Variants in DAG1 observed in about 807,000 individuals in gnomAD.
DAG1 encodes the protein dystroglycan 1, also known as dystroglycan 1 (dystrophin-associated glycoprotein 1).
DAG1 carries 8 observed loss-of-function variants against 46.1 expected under a neutral mutation model. The ratio of observed to expected loss-of-function variants is 0.17; its 90% CI spans 0.10 to 0.31. DAG1 has a LOEUF of 0.31. Among genes scored for constraint, DAG1 ranks in the 10% least tolerant of loss-of-function variants. DAG1 has a pLI of 1.00. For missense variants in DAG1, 1,003 were observed against 1,189.9 expected, an observed-to-expected ratio of 0.84 and a Z score of 2.31; for synonymous variants, 495 against 481.8, an observed-to-expected ratio of 1.03 and a Z score of -0.36.
chr3:49,510,481 T>C lies in DAG1; in HGVS notation c.-54T>C. 1 of 1,581,194 alleles carries C rather than the reference T, an allele frequency of 6.3e-7. No individual in the cohort carries two copies. Among genetic ancestry groups the C allele is most frequent in the South Asian group, 1.1e-5 (1 of 90,492 alleles). ...GTGAGAACCCAGCTCTGGGACCAAGTCACTTGCTTCCTTACTTAGCAAGAC... is the reference window on the plus strand; with the variant it reads ...GTGAGAACCCAGCTCTGGGACCAAGCCACTTGCTTCCTTACTTAGCAAGAC... On this transcript the variant is annotated 5_prime_UTR_variant, in exon 2 of 3. Coordinates refer to ENST00000308775, the MANE Select transcript of DAG1 (RefSeq NM_004393.6).
At position 49,535,353 on chromosome 3, in the gene DAG1, A is replaced by G. The variant is rs1305045863; in HGVS notation, c.*2154A>G. The G allele has an allele frequency of 3.3e-5, 5 of 152,670 alleles. No individual in the cohort carries two copies. The highest frequency in any genetic ancestry group is 1.2e-4 in the African/African-American group (5 of 41,470). 9.5% of individuals were successfully genotyped at this position (152,670 alleles called of 1,614,324 possible). ...CATGCAGAGACGTGGCTGGCCCAGAATGGCCTGTTGCCATAGCAACTGGAG... is the reference window on the plus strand; with the variant it reads ...CATGCAGAGACGTGGCTGGCCCAGAGTGGCCTGTTGCCATAGCAACTGGAG... On this transcript the variant is annotated 3_prime_UTR_variant, in exon 3 of 3. Coordinates refer to ENST00000308775, the MANE Select transcript of DAG1 (RefSeq NM_004393.6).
intron 1 of DAG1, among the ~76,000 whole-genome samples, chr3:49,490,809 A>G (rs1436598060): frequency 1.3e-5 from 2 of 149,646 alleles, no homozygotes; most frequent in Non-Finnish European, 3.0e-5. Flanking sequence ...AGTGCAAGCT[A>G]TCTGCCCTTC....
chr3:49,518,275 G>A lies in DAG1; in HGVS notation c.285+7456G>A, dbSNP rs529849300. On this transcript the variant is annotated intron_variant, in intron 2 of 2. Transcript: ENST00000308775. Reference sequence around the variant, plus strand: ...GTTGTCATACTTGCTGATTGGTTAGGGGATATGCATGGGGGTTGACGGTAG... The same window carrying A: ...GTTGTCATACTTGCTGATTGGTTAGAGGATATGCATGGGGGTTGACGGTAG... Among the ~76,000 whole-genome samples, 15 of 152,302 alleles carry A rather than the reference G, an allele frequency of 9.8e-5. No individual in the cohort carries two copies. The South Asian group carries it at 2.9e-3, about 29-fold the overall frequency.
rs2051447611 is a variant in DAG1, at chr3:49,534,198, TC to T, written c.*1001del. 2 of 152,462 alleles carry T rather than the reference TC, an allele frequency of 1.3e-5. No homozygotes were observed. Among genetic ancestry groups the T allele is most frequent in the South Asian group, 4.1e-4 (2 of 4,826 alleles). 9.4% of individuals were successfully genotyped at this position (152,462 alleles called of 1,614,324 possible). ...TTTTTCTGTGCATTGTTTTTTTTTT[TC>T]CTCCTAAAAGGAATATCACGGTTTT... On this transcript the variant is annotated 3_prime_UTR_variant, in exon 3 of 3. Coordinates refer to ENST00000308775, the MANE Select transcript of DAG1 (RefSeq NM_004393.6).
intron 2 of DAG1, among the ~76,000 whole-genome samples, chr3:49,514,469 T>C (rs1458945594): frequency 6.6e-6 from 1 of 152,084 alleles, no homozygotes; most frequent in African/African-American, 2.4e-5. Flanking sequence ...AGTGGATATA[T>C]TTTTTAACCT....
At chr3:49,511,528 T>G (rs1005408631) in intron 2 of DAG1, among the ~76,000 whole-genome samples, 1 of 152,180 alleles carries the variant, frequency 6.6e-6, no homozygotes, top group African/African-American at 2.4e-5. Context: ...ATGAACATCT[T>G]CTAGAGCAGA....
intron 2 of DAG1, among the ~76,000 whole-genome samples, chr3:49,515,666 ATGAGCATCAC>A (rs2050879710): frequency 6.6e-6 from 1 of 152,094 alleles, no homozygotes; most frequent in South Asian, 2.1e-4. Context: ...GATTACAGAC[ATGAGCATCAC>A]GCCCAGCCTG....
At chr3:49,527,127 CATG>C (rs2107847880) in intron 2 of DAG1, among the ~76,000 whole-genome samples, 1 of 152,176 alleles carries the variant, frequency 6.6e-6, no homozygotes, top group East Asian at 1.9e-4. Context: ...TGCGGTGGCT[CATG>C]CCTGTAATCC....
chr3:49,528,850 CTTTTT>C (rs576246020), intron 2 of DAG1, among the ~76,000 whole-genome samples: 1 of 137,282 alleles, frequency 7.3e-6, no homozygotes, highest in Non-Finnish European at 1.6e-5. Flanking sequence ...ATAATAACGC[CTTTTT>C]TTTTTTTTTT....
intron 1 of DAG1, among the ~76,000 whole-genome samples, chr3:49,491,600 C>T (rs186918317): frequency 4.6e-4 from 70 of 152,002 alleles, no homozygotes; most frequent in African/African-American, 1.5e-3. Flanking sequence ...CCTCAGCCTC[C>T]CAAGTAGCTG....
intron 2 of DAG1, among the ~76,000 whole-genome samples, chr3:49,523,603 C>G (rs1330785473): frequency 6.6e-6 from 1 of 152,154 alleles, no homozygotes; most frequent in East Asian, 1.9e-4. Context: ...CTTTGAGCTT[C>G]TGTTTTGTGG....
At position 49,535,351 on chromosome 3, in the gene DAG1, G is replaced by T. The variant is rs1368128427; in HGVS notation, c.*2152G>T. The stretch of plus-strand genomic sequence containing the variant: ...GCCATGCAGAGACGTGGCTGGCCCA[G>T]AATGGCCTGTTGCCATAGCAACTGG... On this transcript the variant is annotated 3_prime_UTR_variant, in exon 3 of 3. Coordinates refer to ENST00000308775, the MANE Select transcript of DAG1 (RefSeq NM_004393.6). The T allele has an allele frequency of 6.5e-6, 1 of 152,680 alleles. No individual in the cohort carries two copies. The highest frequency in any genetic ancestry group is 2.4e-5 in the African/African-American group (1 of 41,468). 9.5% of individuals were successfully genotyped at this position (152,680 alleles called of 1,614,324 possible). A position where few individuals can be genotyped will look rare whatever the true frequency, so the allele number is the denominator to read the frequency against.
At chr3:49,519,767 A>G (rs946538505) in intron 2 of DAG1, among the ~76,000 whole-genome samples, 4 of 152,238 alleles carry the variant, frequency 2.6e-5, no homozygotes, top group Admixed American at 2.6e-4. Flanking sequence ...CTGAAAGAGA[A>G]CATGACAAAG....
At chr3:49,490,176 AC>A (rs577140800) in intron 1 of DAG1, among the ~76,000 whole-genome samples, 1,524 of 151,970 alleles carry the variant, frequency 0.01, 8 homozygotes, top group Non-Finnish European at 0.017. Context: ...ACACGGTGAA[AC>A]CCCGTCTCTA....
intron 1 of DAG1, among the ~76,000 whole-genome samples, chr3:49,481,004 G>A (rs1345455033): frequency 2.1e-5 from 3 of 144,226 alleles, no homozygotes; most frequent in African/African-American, 5.0e-5. Context: ...CTCGTGATCC[G>A]CCCGCTTCGG....
At position 49,535,151 on chromosome 3, in the gene DAG1, C is replaced by T. The variant is rs992599074; in HGVS notation, c.*1952C>T. The T allele has an allele frequency of 2.6e-5, 4 of 152,254 alleles. No homozygotes were observed. The highest frequency in any genetic ancestry group is 4.4e-5 in the Non-Finnish European group (3 of 68,060). 9.4% of individuals were successfully genotyped at this position (152,254 alleles called of 1,614,324 possible). On this transcript the variant is annotated 3_prime_UTR_variant, in exon 3 of 3. Transcript: ENST00000308775. ...ACCACTGGTGACTGGGCTCATGCCT[C>T]CAAGTCAGAGTTTCCCTGGTGCCCC...
At chr3:49,482,796 C>CA in intron 1 of DAG1, among the ~76,000 whole-genome samples, 2 of 152,130 alleles carry the variant, frequency 1.3e-5, no homozygotes, top group Non-Finnish European at 2.9e-5. Context: ...GAATTGGAAT[C>CA]AAATTCTTTT....
At chr3:49,478,984 T>A (rs1218237345) in intron 1 of DAG1, among the ~76,000 whole-genome samples, 2 of 151,692 alleles carry the variant, frequency 1.3e-5, no homozygotes, top group African/African-American at 4.8e-5. Flanking sequence ...GAGCTAAGTT[T>A]TTGTATTTTC....
intron 2 of DAG1, among the ~76,000 whole-genome samples, chr3:49,522,498 A>G: frequency 9.5e-6 from 1 of 105,744 alleles, no homozygotes; most frequent in Non-Finnish European, 1.7e-5. Flanking sequence ...TTAAGACTGC[A>G]TCATGGTATG....
Sources: allele counts gnomAD v4.1 joint callset (sites outside exome capture counted in the v4.1 genomes callset), GRCh38; gene constraint gnomAD v4.1.1; transcripts MANE v1.5; gene names NCBI Gene and HGNC (gene_info 2026-07-23, HGNC 2026-07-21).